Variants in DYNLL1 observed in about 807,000 individuals in gnomAD.
DYNLL1 encodes dynein light chain 1, cytoplasmic.
Under a neutral mutation model 10.1 loss-of-function variants are expected in DYNLL1, and 3 were observed. The observed-to-expected ratio is 0.30, with a 90% CI of 0.14 to 0.77. The LOEUF is 0.77. Ranked by LOEUF, DYNLL1 falls within the 30% of genes least tolerant of loss-of-function variation. DYNLL1 has a pLI of 0.66. For missense variants in DYNLL1, 47 were observed against 111.7 expected (o/e 0.42, Z 2.61); for synonymous variants, 46 against 41.2 (o/e 1.12, Z -0.45).
chr12:120,476,022 A>T (rs1175646875), intron 1 of DYNLL1, among the ~76,000 whole-genome samples: 1 of 152,174 alleles, frequency 6.6e-6, no homozygotes, highest in Non-Finnish European at 1.5e-5. Flanking sequence ...CTTTTTCCAA[A>T]ACATTTTCCA....
intron 1 of DYNLL1, chr12:120,488,229 C>A: frequency 6.6e-6 from 1 of 152,502 alleles, no homozygotes; most frequent in Non-Finnish European, 1.5e-5. Context: ...CACACTCCCC[C>A]AACAGCTTCT....
intron 1 of DYNLL1, among the ~76,000 whole-genome samples, chr12:120,473,692 CAAAAA>C (rs1227211097): frequency 5.3e-5 from 4 of 75,446 alleles, no homozygotes; most frequent in African/African-American, 4.6e-5. Context: ...GACTCTGTCT[CAAAAA>C]AAAAAAAAAA....
chr12:120,471,782 T>C (rs1046372597), intron 1 of DYNLL1, among the ~76,000 whole-genome samples: 12 of 152,000 alleles, frequency 7.9e-5, no homozygotes, highest in Non-Finnish European at 1.5e-4. Flanking sequence ...GGCTGATTTT[T>C]TTATATTTTT....
intron 1 of DYNLL1, among the ~76,000 whole-genome samples, chr12:120,480,575 A>T (rs775107083): frequency 6.6e-6 from 1 of 151,976 alleles, no homozygotes; most frequent in Non-Finnish European, 1.5e-5. Context: ...CTCCCTGGAC[A>T]CTGTTTTGCT....
chr12:120,489,697 A>G (rs1483217142), intron 1 of DYNLL1, among the ~76,000 whole-genome samples: 1 of 152,078 alleles, frequency 6.6e-6, no homozygotes, highest in African/African-American at 2.4e-5. Flanking sequence ...CTTCCTAGAA[A>G]ACTCTTTAAA....
intron 1 of DYNLL1, among the ~76,000 whole-genome samples, chr12:120,476,346 T>C (rs1005298328): frequency 6.6e-6 from 1 of 151,634 alleles, no homozygotes; most frequent in African/African-American, 2.4e-5. Context: ...TAATAATAAC[T>C]GAAAGCCAGG....
At chr12:120,484,982 C>T (rs1293660679) in intron 1 of DYNLL1, among the ~76,000 whole-genome samples, 1 of 152,174 alleles carries the variant, frequency 6.6e-6, no homozygotes, top group East Asian at 1.9e-4. Flanking sequence ...GCAAGTGATC[C>T]AACCACCTGG....
intron 1 of DYNLL1, chr12:120,490,252 C>A (rs1173171722): frequency 2.6e-5 from 4 of 152,216 alleles, no homozygotes; most frequent in South Asian, 2.1e-4. Flanking sequence ...GCTAAATGAA[C>A]TCTGAAAGAG....
chr12:120,477,793 T>A (rs56821784), intron 1 of DYNLL1, among the ~76,000 whole-genome samples: 4,549 of 151,508 alleles, frequency 0.03, 230 homozygotes, highest in African/African-American at 0.1. Flanking sequence ...AAAGTAAAAA[T>A]ATATATATAT....
chr12:120,488,067 A>G (rs1879037061), intron 1 of DYNLL1: 1 of 152,034 alleles, frequency 6.6e-6, no homozygotes, highest in African/African-American at 2.4e-5. Context: ...AGAAAAACTT[A>G]TTTCTCTTTC....
intron 1 of DYNLL1, among the ~76,000 whole-genome samples, chr12:120,480,969 C>G (rs1464742520): frequency 1.3e-5 from 2 of 152,158 alleles, no homozygotes; most frequent in Non-Finnish European, 2.9e-5. Flanking sequence ...CCATGTTCGC[C>G]AGGATGGTCT....
intron 1 of DYNLL1, among the ~76,000 whole-genome samples, chr12:120,481,851 T>C (rs1878885433): frequency 6.6e-6 from 1 of 152,194 alleles, no homozygotes; most frequent in Non-Finnish European, 1.5e-5. Flanking sequence ...TTTTGTCTTC[T>C]TTTTGTTTGT....
At chr12:120,481,268 T>G (rs1264611901) in intron 1 of DYNLL1, among the ~76,000 whole-genome samples, 1 of 152,104 alleles carries the variant, frequency 6.6e-6, no homozygotes, top group Admixed American at 6.6e-5. Context: ...TTATCTGAGA[T>G]CAACTGGACC....
At chr12:120,477,584 T>C (rs1279398680) in intron 1 of DYNLL1, among the ~76,000 whole-genome samples, 1 of 151,530 alleles carries the variant, frequency 6.6e-6, no homozygotes, top group East Asian at 1.9e-4. Flanking sequence ...ATCCCGTCTC[T>C]ACAAAAAAAA....
intron 2 of DYNLL1, chr12:120,496,771 C>T (rs1415831609): frequency 3.0e-6 from 2 of 662,784 alleles, no homozygotes; most frequent in Non-Finnish European, 5.0e-6. Context: ...AATTACCCAG[C>T]TCCGCGGGGG....
exon 1 of DYNLL1, chr12:120,470,083 G>T (rs1459614497): frequency 6.5e-6 from 1 of 153,102 alleles, no homozygotes; most frequent in Admixed American, 6.5e-5. Flanking sequence ...CAGCGGCCGG[G>T]CTGTCGCGGC....
At position 120,496,601 on chromosome 12, in the gene DYNLL1, C is replaced by T. The variant is rs766701426; in HGVS notation, c.132+48C>T. 3 of 1,613,756 alleles carry T rather than the reference C, an allele frequency of 1.9e-6. No homozygotes were observed. The Admixed American group carries it at 5.0e-5, about 27-fold the overall frequency. On this transcript the variant is annotated intron_variant, in intron 2 of 2. Transcript: ENST00000242577. Reference sequence around the variant, plus strand: ...ATACGCAGCCGGGAGCAGGGGGTTCCTTCCCCCCGATCCTGCTTTCCTAAG... The same window carrying T: ...ATACGCAGCCGGGAGCAGGGGGTTCTTTCCCCCCGATCCTGCTTTCCTAAG...
intron 1 of DYNLL1, among the ~76,000 whole-genome samples, chr12:120,478,295 C>G (rs575850887): frequency 6.6e-6 from 1 of 151,072 alleles, no homozygotes; most frequent in African/African-American, 2.4e-5. Flanking sequence ...TTAGTAGAGA[C>G]GAGGTTTCTC....
chr12:120,496,623 T>A, intron 2 of DYNLL1, 70 bp downstream of exon 2: 1 of 1,612,930 alleles, frequency 6.2e-7, no homozygotes. Flanking sequence ...CCTGCTTTCC[T>A]AAGGGCGCCT....
Sources: allele counts gnomAD v4.1 joint callset (sites outside exome capture counted in the v4.1 genomes callset), GRCh38; gene constraint gnomAD v4.1.1; transcripts MANE v1.5; gene names NCBI Gene and HGNC (gene_info 2026-07-23, HGNC 2026-07-21).